The following LONP2 variants were observed in gnomAD, a reference collection of about 807,000 sequenced individuals.
LONP2 encodes the protein lon protease homolog 2, peroxisomal.
Under a neutral mutation model 85.6 loss-of-function variants are expected in LONP2, and 60 were observed. That is an observed-to-expected ratio of 0.70 (90% confidence interval 0.57 to 0.87). The LOEUF (loss-of-function observed/expected upper bound fraction) is 0.87, where lower values mean the gene tolerates loss of function less well. Among genes scored for constraint, LONP2 ranks in the 40% least tolerant of loss-of-function variants. LONP2 has a pLI of 0.00. For missense variants in LONP2, 860 were observed against 1,063.5 expected, an observed-to-expected ratio of 0.81 and a Z score of 2.66; for synonymous variants, 395 against 389.7, an observed-to-expected ratio of 1.01 and a Z score of -0.16.
At chr16:48,262,925 C>T in intron 6 of LONP2, 53 bp downstream of exon 6, 1 of 1,160,384 alleles carries the variant, frequency 8.6e-7, no homozygotes, top group South Asian at 1.4e-5. Flanking sequence ...TCAGAAAGCT[C>T]ATGCAATTTT....
chr16:48,262,849 T>C lies in LONP2; in HGVS notation c.959T>C (p.Leu320Pro). ...AATTATTTGGAACTTATGGTAGAACTTCCTTGGAACAAAAGTACAACTGGT... is the reference window on the plus strand; with the variant it reads ...AATTATTTGGAACTTATGGTAGAACCTCCTTGGAACAAAAGTACAACTGGT... ...TRNYLELMVE[L>P]PWNKSTTDRL... The change falls in exon 6 of 15, where the codon CTT becomes CCT. Residue 320 changes from leucine to proline, a missense_variant. Leu to Pro is a moderately conservative substitution (Grantham distance 98). This residue lies in a region of LONP2 where 743 missense variants were observed against 917.3 expected (regional missense o/e 0.81). Coordinates refer to ENST00000285737, the MANE Select transcript of LONP2 (RefSeq NM_031490.5). The C allele has an allele frequency of 6.2e-7, 1 of 1,610,548 alleles. No individual in the cohort carries two copies. The highest frequency in any genetic ancestry group is 1.3e-5 in the African/African-American group (1 of 74,880).
In LONP2 at chr16:48,347,515, G is replaced by C; in HGVS notation, c.1947G>C (p.Gln649His). Residue 649 changes from glutamine to histidine, a missense_variant, in exon 13 of 15, where the codon CAG becomes CAC. Gln to His is a conservative substitution (Grantham distance 24). Coordinates refer to ENST00000285737, the MANE Select transcript of LONP2 (RefSeq NM_031490.5). The stretch of plus-strand genomic sequence containing the variant: ...ATTCTTCTTCTTTCAAGGTATCTCA[G>C]CGTTTGAGTCAGCCAGGAGTAGCAA... ...GPPMYEMEVS[Q>H]RLSQPGVAIG... 1.2e-6 allele frequency: 2 copies of C among 1,614,212 alleles called. No homozygotes were observed. The highest frequency in any genetic ancestry group is 1.7e-6 in the Non-Finnish European group (2 of 1,180,034).
Position 48,356,512 on chromosome 16 carries a change from TAAAAA to T in LONP2, c.*4727_*4731del, listed in dbSNP as rs535516550. 23 of 82,130 alleles carry T rather than the reference TAAAAA, an allele frequency of 2.8e-4. No individual in the cohort carries two copies. Among genetic ancestry groups the T allele is most frequent in the South Asian group, 1.5e-3 (4 of 2,678 alleles). The allele number at this position is 82,130 out of a possible 1,614,324, so 5.1% of individuals were successfully genotyped here. A position where few individuals can be genotyped will look rare whatever the true frequency, so the allele number is the denominator to read the frequency against. Reference sequence around the variant, plus strand: ...TGCCATGAAAATTGTATCCAGCAGCTAAAAAAAAAAAAAAAAAAAAAGACTACAGT... The same window carrying T: ...TGCCATGAAAATTGTATCCAGCAGCTAAAAAAAAAAAAAAAAGACTACAGT... On this transcript the variant is annotated 3_prime_UTR_variant, in exon 15 of 15. Transcript: ENST00000285737.
At chr16:48,292,525 C>T (rs1409967224) in intron 8 of LONP2, among the ~76,000 whole-genome samples, 1 of 152,142 alleles carries the variant, frequency 6.6e-6, no homozygotes, top group African/African-American at 2.4e-5. Context: ...GGAAGGCAGG[C>T]AAATTGGGCA....
intron 11 of LONP2, among the ~76,000 whole-genome samples, chr16:48,307,322 T>C (rs1972932040): frequency 6.6e-6 from 1 of 152,194 alleles, no homozygotes; most frequent in South Asian, 2.1e-4. Flanking sequence ...ATTTGTTGGG[T>C]TGAGAGATTA....
At chr16:48,338,545 A>T (rs148055485) in intron 12 of LONP2, among the ~76,000 whole-genome samples, 1,553 of 152,290 alleles carry the variant, frequency 0.01, 11 homozygotes, top group Non-Finnish European at 0.016. Context: ...GAGATGGGGA[A>T]GACTTGGGGA....
downstream of LONP2, among the ~76,000 whole-genome samples, chr16:48,358,203 A>G (rs1246455804): frequency 6.6e-6 from 1 of 152,252 alleles, no homozygotes; most frequent in South Asian, 2.1e-4. Context: ...CACAAAATGT[A>G]CTACCTTAAT....
chr16:48,299,567 G>T, intron 9 of LONP2, 95 bp from the exon 10 acceptor site: 1 of 1,380,768 alleles, frequency 7.2e-7, no homozygotes, highest in Non-Finnish European at 9.9e-7. Context: ...GGGCGACAGA[G>T]CAAGACTCTG....
At chr16:48,326,996 A>G (rs1282027144) in intron 11 of LONP2, among the ~76,000 whole-genome samples, 1 of 152,246 alleles carries the variant, frequency 6.6e-6, no homozygotes, top group Non-Finnish European at 1.5e-5. Context: ...ACTTCCCTCC[A>G]TAATAGCTGT....
chr16:48,357,063 A>G lies in LONP2; in HGVS notation c.*5261A>G, dbSNP rs1960395132. The G allele has an allele frequency of 6.6e-6, 1 of 152,582 alleles. No homozygotes were observed. Among genetic ancestry groups the G allele is most frequent in the African/African-American group, 2.4e-5 (1 of 41,464 alleles). The allele number at this position is 152,582 out of a possible 1,614,324, so 9.5% of individuals were successfully genotyped here. ...CTAGAGCTATATAAGGATAGCGAAA[A>G]TATTTGGTTCAGCAAGACACTGGGG... On this transcript the variant is annotated 3_prime_UTR_variant, in exon 15 of 15. Transcript: ENST00000285737.
chr16:48,256,836 A>G, intron 3 of LONP2, 95 bp downstream of exon 3: 1 of 1,134,506 alleles, frequency 8.8e-7, no homozygotes, highest in African/African-American at 1.6e-5. Context: ...AGAAAAAGAT[A>G]TTGGAGACCC....
In LONP2 at chr16:48,331,403, A is replaced by T. The variant is rs551743047; in HGVS notation, c.1796-2813A>T. Among the ~76,000 whole-genome samples, 52 of 152,340 alleles carry T rather than the reference A, an allele frequency of 3.4e-4. No individual in the cohort carries two copies. The South Asian group carries it at 0.01, about 30-fold the overall frequency. The stretch of plus-strand genomic sequence containing the variant: ...TTTTGTGAAGCAAATGAATGCTATA[A>T]AAGAAGTCAGAAAGATCAGGGAAGC... On this transcript the variant is annotated intron_variant, in intron 11 of 14. Transcript: ENST00000285737.
intron 8 of LONP2, among the ~76,000 whole-genome samples, chr16:48,293,437 A>AG (rs1972600175): frequency 6.6e-6 from 1 of 152,104 alleles, no homozygotes; most frequent in Non-Finnish European, 1.5e-5. Context: ...AAAAAAAAAA[A>AG]GAATAGATTT....
chr16:48,266,676 A>G (rs1263393312), intron 6 of LONP2, among the ~76,000 whole-genome samples: 2 of 152,208 alleles, frequency 1.3e-5, no homozygotes, highest in African/African-American at 2.4e-5. Context: ...GTTGCTGTAT[A>G]TAACAGTAAT....
At chr16:48,292,350 G>A (rs751347837) in intron 8 of LONP2, among the ~76,000 whole-genome samples, 6 of 152,194 alleles carry the variant, frequency 3.9e-5, no homozygotes, top group Non-Finnish European at 8.8e-5. Flanking sequence ...TGGGGGGATT[G>A]TGAGGGAGAT....
At chr16:48,253,518 G>A (rs1001817259) in intron 2 of LONP2, among the ~76,000 whole-genome samples, 9 of 151,828 alleles carry the variant, frequency 5.9e-5, no homozygotes, top group Admixed American at 5.3e-4. Flanking sequence ...ATTTCTATAT[G>A]GGCTGAAAGA....
chr16:48,291,403 A>G (rs950128424), intron 8 of LONP2, among the ~76,000 whole-genome samples: 4 of 152,218 alleles, frequency 2.6e-5, no homozygotes, highest in African/African-American at 7.2e-5. Context: ...ACTCTATGTA[A>G]TCTATTCCTG....
chr16:48,245,173 C>T (rs189485926), intron 1 of LONP2, among the ~76,000 whole-genome samples: 65 of 152,232 alleles, frequency 4.3e-4, no homozygotes, highest in Admixed American at 1.2e-3. Context: ...CACCCTTCTC[C>T]TTCTCCCCCT....
intron 8 of LONP2, among the ~76,000 whole-genome samples, chr16:48,282,658 A>G (rs1972355730): frequency 6.6e-6 from 1 of 152,116 alleles, no homozygotes; most frequent in Admixed American, 6.5e-5. Flanking sequence ...AACTTAATCA[A>G]TAAATGTTGA....
Sources: allele counts gnomAD v4.1 joint callset (sites outside exome capture counted in the v4.1 genomes callset), GRCh38; gene constraint gnomAD v4.1.1; regional missense constraint gnomAD v4.1.1; transcripts MANE v1.5; gene names NCBI Gene and HGNC (gene_info 2026-07-23, HGNC 2026-07-21).